Variants in SPOCK1 observed in about 807,000 individuals in gnomAD.
The protein encoded by SPOCK1 is SPARC (osteonectin), cwcv and kazal like domains proteoglycan 1.
A neutral mutation model predicts 55.3 loss-of-function variants in SPOCK1; 23 were observed. The observed-to-expected ratio is 0.42, with a 90% CI of 0.30 to 0.59. The LOEUF is 0.59. Among genes scored for constraint, SPOCK1 ranks in the 20% least tolerant of loss-of-function variants. The probability of loss-of-function intolerance (pLI) is 0.22; values close to 1 mark genes in which losing one functional copy is unlikely to be tolerated. For synonymous variants in SPOCK1, 226 were observed against 221.0 expected (o/e 1.02, Z -0.20); for missense variants, 499 against 552.5 (o/e 0.90, Z 0.97).
intron 3 of SPOCK1, among the ~76,000 whole-genome samples, chr5:137,255,291 A>T (rs1756611620): frequency 6.6e-6 from 1 of 152,176 alleles, no homozygotes; most frequent in Non-Finnish European, 1.5e-5. Context: ...CCTGAATACC[A>T]GCCTCGTTTA....
At chr5:137,449,152 T>C (rs1478659467) in intron 2 of SPOCK1, among the ~76,000 whole-genome samples, 1 of 152,252 alleles carries the variant, frequency 6.6e-6, no homozygotes, top group Non-Finnish European at 1.5e-5. Context: ...CTTTCCAGCC[T>C]GCTGGCTGGT....
At chr5:137,086,990 G>T (rs1752972202) in intron 5 of SPOCK1, among the ~76,000 whole-genome samples, 1 of 152,158 alleles carries the variant, frequency 6.6e-6, no homozygotes, top group Admixed American at 6.5e-5. Context: ...ATAGAGCTGA[G>T]ACTTGACTAA....
chr5:137,022,310 G>A (rs1377661050), intron 6 of SPOCK1, among the ~76,000 whole-genome samples: 1 of 152,110 alleles, frequency 6.6e-6, no homozygotes, highest in Non-Finnish European at 1.5e-5. Context: ...CTGACAGCCA[G>A]TTTCAATGCC....
At chr5:137,408,675 T>C (rs1438545462) in intron 2 of SPOCK1, among the ~76,000 whole-genome samples, 2 of 152,244 alleles carry the variant, frequency 1.3e-5, no homozygotes, top group African/African-American at 2.4e-5. Context: ...TTTTTTTAAC[T>C]GCATAACTCT....
At chr5:137,370,222 C>A (rs1236199373) in intron 2 of SPOCK1, among the ~76,000 whole-genome samples, 1 of 152,164 alleles carries the variant, frequency 6.6e-6, no homozygotes, top group African/African-American at 2.4e-5. Flanking sequence ...CGGAATTGAA[C>A]TTTTTCCCTC....
chr5:137,155,456 T>C (rs931492759), intron 3 of SPOCK1, among the ~76,000 whole-genome samples: 2 of 152,160 alleles, frequency 1.3e-5, no homozygotes, highest in African/African-American at 4.8e-5. Flanking sequence ...AGTTAGCCAG[T>C]GTGGGGAAAG....
At chr5:136,997,558 G>C (rs1172192248) in intron 6 of SPOCK1, among the ~76,000 whole-genome samples, 1 of 152,150 alleles carries the variant, frequency 6.6e-6, no homozygotes, top group African/African-American at 2.4e-5. Context: ...TGGCCTGCAG[G>C]ACACACTCAC....
At chr5:137,493,436 T>C (rs1420617830) in intron 2 of SPOCK1, among the ~76,000 whole-genome samples, 3 of 152,298 alleles carry the variant, frequency 2.0e-5, no homozygotes, top group South Asian at 4.1e-4. Flanking sequence ...AGTGATACAG[T>C]TCTGCTGAAG....
chr5:137,254,842 C>T (rs1756603182), intron 3 of SPOCK1, among the ~76,000 whole-genome samples: 1 of 152,228 alleles, frequency 6.6e-6, no homozygotes, highest in Non-Finnish European at 1.5e-5. Flanking sequence ...CTCTGCCTGC[C>T]ACTTGGCTGA....
At chr5:137,364,521 C>T (rs927705377) in intron 2 of SPOCK1, among the ~76,000 whole-genome samples, 1 of 152,230 alleles carries the variant, frequency 6.6e-6, no homozygotes, top group African/African-American at 2.4e-5. Flanking sequence ...GAGGGTCCCA[C>T]AGCCCTGGTG....
chr5:137,264,806 G>A lies in SPOCK1; in HGVS notation c.232+2204C>T, dbSNP rs567763875. Reference sequence around the variant, plus strand: ...AGTAACCTCCCATTTTTATTGAGCCGCACACAATGTAATTGATGACATCTG... The same window carrying A: ...AGTAACCTCCCATTTTTATTGAGCCACACACAATGTAATTGATGACATCTG... On this transcript the variant is annotated intron_variant, in intron 3 of 10. Transcript: ENST00000394945. Among the ~76,000 whole-genome samples the A allele has an allele frequency of 3.5e-4, 53 of 152,148 alleles. 1 individual carries two copies. The highest frequency in any genetic ancestry group is 1.1e-3 in the African/African-American group (47 of 41,502).
intron 2 of SPOCK1, among the ~76,000 whole-genome samples, chr5:137,319,731 G>A (rs185037794): frequency 3.5e-4 from 53 of 151,898 alleles, no homozygotes; most frequent in African/African-American, 9.7e-4. Flanking sequence ...GGATCATGAG[G>A]TCAGGAGATC....
intron 2 of SPOCK1, among the ~76,000 whole-genome samples, chr5:137,438,882 C>T (rs1394423379): frequency 6.6e-6 from 1 of 152,274 alleles, no homozygotes; most frequent in East Asian, 1.9e-4. Context: ...CTGTAAAAGT[C>T]CATGATAAAA....
chr5:137,038,214 A>G (rs998738965), intron 6 of SPOCK1, among the ~76,000 whole-genome samples: 2 of 152,156 alleles, frequency 1.3e-5, no homozygotes, highest in Admixed American at 1.3e-4. Context: ...AAAGTCTGAG[A>G]CTCATGAAAG....
At chr5:137,471,834 G>A (rs896363605) in intron 2 of SPOCK1, among the ~76,000 whole-genome samples, 1 of 152,112 alleles carries the variant, frequency 6.6e-6, no homozygotes, top group Admixed American at 6.6e-5. Context: ...AGGGAAATAA[G>A]AGGCTGAGAA....
intron 3 of SPOCK1, among the ~76,000 whole-genome samples, chr5:137,266,399 A>T (rs1047499269): frequency 6.6e-6 from 1 of 152,218 alleles, no homozygotes; most frequent in African/African-American, 2.4e-5. Context: ...AATAACTCAC[A>T]GGAGGACACT....
At chr5:137,322,361 A>C (rs1302101932) in intron 2 of SPOCK1, among the ~76,000 whole-genome samples, 3 of 151,574 alleles carry the variant, frequency 2.0e-5, no homozygotes, top group African/African-American at 7.3e-5. Context: ...ACACACACAC[A>C]CAAAACTCAC....
chr5:136,988,434 G>C lies in SPOCK1; in HGVS notation c.916C>G (p.Gln306Glu), dbSNP rs1031984309. Residue 306 changes from glutamine (Q) to glutamate (E), a missense_variant, in exon 8 of 11, where the codon CAG becomes GAG. By Grantham distance (29) the Gln-to-Glu change is conservative (BLOSUM62 2). Transcript: ENST00000394945. ...LSNNEWCYCF[Q>E]KPGGLPCQNE... ...CATCCCACCTTACCTCCAGGCTTCT[G>C]GAAGCAGTAGCACCACTCATTGTTA... 1 of 1,613,560 alleles carries C rather than the reference G, an allele frequency of 6.2e-7. No homozygotes were observed. The highest frequency in any genetic ancestry group is 1.3e-5 in the African/African-American group (1 of 74,912).
intron 2 of SPOCK1, among the ~76,000 whole-genome samples, chr5:137,352,500 T>C (rs531111613): frequency 6.6e-6 from 1 of 152,216 alleles, no homozygotes; most frequent in Non-Finnish European, 1.5e-5. Context: ...TTGTTATCAA[T>C]CTTTTTTGCA....
Sources: allele counts gnomAD v4.1 joint callset (sites outside exome capture counted in the v4.1 genomes callset), GRCh38; gene constraint gnomAD v4.1.1; transcripts MANE v1.5; gene names NCBI Gene and HGNC (gene_info 2026-07-23, HGNC 2026-07-21).